FBXL5: variants seen among roughly 807,000 people sequenced by gnomAD.
FBXL5 encodes F-box and leucine rich repeat protein 5.
FBXL5 carries 26 observed loss-of-function variants against 78.3 expected under a neutral mutation model. The observed-to-expected ratio is 0.33, with a 90% CI of 0.24 to 0.46. The LOEUF is 0.46. Among genes scored for constraint, FBXL5 ranks in the 20% least tolerant of loss-of-function variants. FBXL5 has a pLI of 1.00. For missense variants in FBXL5, 710 were observed against 829.2 expected, an observed-to-expected ratio of 0.86 and a Z score of 1.77; for synonymous variants, 295 against 282.5, an observed-to-expected ratio of 1.04 and a Z score of -0.45.
upstream of FBXL5, among the ~76,000 whole-genome samples, chr4:15,657,882 C>T (rs1717082445): frequency 6.6e-6 from 1 of 152,166 alleles, no homozygotes. Context: ...CTCTGTGAGA[C>T]CTTTTTGGAT....
At chr4:15,631,082 C>T (rs181349194) in intron 5 of FBXL5, among the ~76,000 whole-genome samples, 78 of 152,256 alleles carry the variant, frequency 5.1e-4, no homozygotes, top group African/African-American at 1.8e-3. Context: ...CTACCCCCAC[C>T]ACAGGACCTA....
chr4:15,677,451 T>C (rs1453991052), intron 1 of FBXL5, among the ~76,000 whole-genome samples: 1 of 152,154 alleles, frequency 6.6e-6, no homozygotes, highest in South Asian at 2.1e-4. Flanking sequence ...ACCTTCAGGA[T>C]GGAGGCTGGT....
chr4:15,656,973 G>C (rs1717009884), upstream of FBXL5, among the ~76,000 whole-genome samples: 1 of 149,930 alleles, frequency 6.7e-6, no homozygotes, highest in South Asian at 2.1e-4. Context: ...GCATTAGTTG[G>C]GATACAGAGA....
intron 1 of FBXL5, among the ~76,000 whole-genome samples, chr4:15,678,035 G>A (rs549968075): frequency 6.6e-6 from 1 of 152,248 alleles, no homozygotes; most frequent in Non-Finnish European, 1.5e-5. Context: ...TTGGAATGAT[G>A]TATCATTAAA....
rs530794841 is a variant in FBXL5, at chr4:15,642,871, T to C, written c.300+1622A>G. On this transcript the variant is annotated intron_variant, in intron 2 of 10. Coordinates refer to ENST00000341285, the MANE Select transcript of FBXL5 (RefSeq NM_012161.4). ...TCTTTTTTATTTCCTGACCCTCTTC[T>C]ATATACTCTAGAAAGTCAGGCTGAA... Among the ~76,000 whole-genome samples, 21 of 152,350 alleles carry C rather than the reference T, an allele frequency of 1.4e-4. No individual in the cohort carries two copies. The East Asian group carries it at 3.9e-3, about 28-fold the overall frequency.
upstream of FBXL5, among the ~76,000 whole-genome samples, chr4:15,658,546 A>C (rs78826410): frequency 1.3e-5 from 2 of 152,168 alleles, no homozygotes; most frequent in African/African-American, 4.8e-5. Flanking sequence ...AAGAGGAAGA[A>C]AGACCTGTGC....
intron 9 of FBXL5, among the ~76,000 whole-genome samples, chr4:15,618,831 C>T (rs980461272): frequency 2.6e-5 from 4 of 152,030 alleles, no homozygotes; most frequent in Non-Finnish European, 5.9e-5. Flanking sequence ...GAGCAAGACT[C>T]CGTCTCTAAA....
At chr4:15,637,487 T>C (rs1420053729) in intron 4 of FBXL5, among the ~76,000 whole-genome samples, 1 of 152,202 alleles carries the variant, frequency 6.6e-6, no homozygotes, top group Non-Finnish European at 1.5e-5. Context: ...GCAACTTAAA[T>C]ATAGAAATGC....
chr4:15,645,247 T>A (rs1033563929), intron 1 of FBXL5, among the ~76,000 whole-genome samples: 3 of 152,106 alleles, frequency 2.0e-5, no homozygotes, highest in Non-Finnish European at 1.5e-5. Flanking sequence ...ACAGATGACA[T>A]AGAAGCTCCT....
intron 9 of FBXL5, among the ~76,000 whole-genome samples, chr4:15,624,730 GATC>G (rs1712846943): frequency 6.6e-6 from 1 of 151,206 alleles, no homozygotes; most frequent in Non-Finnish European, 1.5e-5. Context: ...AAGGTAAGCT[GATC>G]ATGATCAAAG....
At chr4:15,634,662 C>T (rs961329660) in intron 5 of FBXL5, among the ~76,000 whole-genome samples, 11 of 151,902 alleles carry the variant, frequency 7.2e-5, no homozygotes, top group Admixed American at 2.6e-4. Flanking sequence ...CCACTGTGCC[C>T]GGCCATTTTT....
chr4:15,647,466 C>T (rs1715490182), intron 1 of FBXL5, among the ~76,000 whole-genome samples: 1 of 152,082 alleles, frequency 6.6e-6, no homozygotes, highest in Admixed American at 6.5e-5. Flanking sequence ...TGAAAACAAT[C>T]TCCCACAAAA....
chr4:15,631,635 T>C (rs1473435687), intron 5 of FBXL5, among the ~76,000 whole-genome samples: 1 of 152,208 alleles, frequency 6.6e-6, no homozygotes, highest in African/African-American at 2.4e-5. Flanking sequence ...TGGTATCTCA[T>C]TGTGGTTTTA....
At chr4:15,654,814 C>T (rs375254130) in intron 1 of FBXL5, among the ~76,000 whole-genome samples, 1 of 152,166 alleles carries the variant, frequency 6.6e-6, no homozygotes, top group African/African-American at 2.4e-5. Flanking sequence ...GGGAGTCCAC[C>T]GCAGGTGGCC....
intron 2 of FBXL5, among the ~76,000 whole-genome samples, chr4:15,644,073 G>A (rs1295750629): frequency 6.6e-6 from 1 of 152,206 alleles, no homozygotes; most frequent in Admixed American, 6.5e-5. Flanking sequence ...AATTGGTTTA[G>A]TGAAAAATCT....
intron 2 of FBXL5, among the ~76,000 whole-genome samples, chr4:15,643,605 C>A (rs1334978419): frequency 6.6e-6 from 1 of 152,162 alleles, no homozygotes; most frequent in Non-Finnish European, 1.5e-5. Flanking sequence ...CAGGTTTTCA[C>A]TATGTTGGCC....
In FBXL5 at chr4:15,632,697, T is replaced by C. The variant is rs569697861; in HGVS notation, c.767-1906A>G. Among the ~76,000 whole-genome samples, 21 of 152,358 alleles carry C rather than the reference T, an allele frequency of 1.4e-4. No homozygotes were observed. The East Asian group carries it at 3.9e-3, about 28-fold the overall frequency. On this transcript the variant is annotated intron_variant, in intron 5 of 10. Transcript: ENST00000341285. ...GCAATTGTGAATGGGAGTTCACTCA[T>C]GATTTGGCTCTCTGTTATTGGTGTA...
At chr4:15,621,669 G>T (rs1712495835) in intron 9 of FBXL5, among the ~76,000 whole-genome samples, 1 of 152,148 alleles carries the variant, frequency 6.6e-6, no homozygotes, top group African/African-American at 2.4e-5. Flanking sequence ...GGGGCCCAAA[G>T]AAAGTTAAAA....
At chr4:15,607,987 A>C (rs1279534364) in intron 10 of FBXL5, among the ~76,000 whole-genome samples, 1 of 152,190 alleles carries the variant, frequency 6.6e-6, no homozygotes, top group Non-Finnish European at 1.5e-5. Context: ...TGCGACTCTA[A>C]GCAAAATAAC....
Sources: allele counts gnomAD v4.1 joint callset (sites outside exome capture counted in the v4.1 genomes callset), GRCh38; gene constraint gnomAD v4.1.1; transcripts MANE v1.5; gene names NCBI Gene and HGNC (gene_info 2026-07-23, HGNC 2026-07-21).